The following NXPE3 variants were observed in gnomAD, a reference collection of about 807,000 sequenced individuals.
NXPE3 encodes NXPE family member 3.
A neutral mutation model predicts 46.1 loss-of-function variants in NXPE3; 26 were observed. That is an observed-to-expected ratio of 0.56 (90% CI 0.41 to 0.78). NXPE3 has a LOEUF of 0.78. Ranked by LOEUF, NXPE3 falls within the 30% of genes least tolerant of loss-of-function variation. NXPE3 has a pLI of 0.00. For synonymous variants in NXPE3, 272 were observed against 257.9 expected (o/e 1.05, Z -0.52); for missense variants, 620 against 686.0 (o/e 0.90, Z 1.07).
At chr3:101,781,632 ATAT>A (rs1445133047) in intron 1 of NXPE3, 1 of 152,210 alleles carries the variant, frequency 6.6e-6, no homozygotes, top group African/African-American at 2.4e-5. Flanking sequence ...TTCTTTGCAC[ATAT>A]TATAAAAATA....
At chr3:101,787,647 A>G (rs1940270935) in intron 4 of NXPE3, among the ~76,000 whole-genome samples, 1 of 152,186 alleles carries the variant, frequency 6.6e-6, no homozygotes, top group Admixed American at 6.5e-5. Flanking sequence ...CTGTTAGCAT[A>G]ACGTCCCCAA....
intron 4 of NXPE3, among the ~76,000 whole-genome samples, chr3:101,797,086 C>T (rs1940872755): frequency 6.6e-6 from 1 of 152,034 alleles, no homozygotes. Flanking sequence ...ATTCCTGTAT[C>T]CTGTTTACTA....
chr3:101,796,089 C>T (rs1480385611), intron 4 of NXPE3, among the ~76,000 whole-genome samples: 1 of 152,224 alleles, frequency 6.6e-6, no homozygotes. Context: ...GCAACCTCAC[C>T]TGGTTCTCAT....
intron 4 of NXPE3, among the ~76,000 whole-genome samples, chr3:101,792,625 GC>G (rs1940585714): frequency 6.6e-6 from 1 of 152,070 alleles, no homozygotes; most frequent in Non-Finnish European, 1.5e-5. Context: ...TGGTCTCTGT[GC>G]CTGTTTTTGT....
intron 7 of NXPE3, among the ~76,000 whole-genome samples, chr3:101,821,092 T>C (rs1416368037): frequency 6.6e-6 from 1 of 152,194 alleles, no homozygotes; most frequent in African/African-American, 2.4e-5. Context: ...CTTGGCCTAA[T>C]AATTAGAGAA....
chr3:101,788,197 G>A (rs1238726305), intron 4 of NXPE3, among the ~76,000 whole-genome samples: 1 of 152,046 alleles, frequency 6.6e-6, no homozygotes, highest in Non-Finnish European at 1.5e-5. Context: ...ATCCAATTCC[G>A]GTACTCACTG....
chr3:101,818,713 ATT>A (rs201504502), intron 7 of NXPE3, among the ~76,000 whole-genome samples: 11 of 30,374 alleles, frequency 3.6e-4, no homozygotes, highest in African/African-American at 1.1e-3. Flanking sequence ...ATATATGACA[ATT>A]TATATATATA....
chr3:101,819,984 T>C (rs1269057482), intron 7 of NXPE3, among the ~76,000 whole-genome samples: 1 of 151,320 alleles, frequency 6.6e-6, no homozygotes, highest in South Asian at 2.1e-4. Context: ...AAGGCAAATA[T>C]TGCATGAGGT....
chr3:101,827,138 A>G lies in NXPE3; in HGVS notation c.*5184A>G, dbSNP rs1318740907. 1 of 152,234 alleles carries G rather than the reference A, an allele frequency of 6.6e-6. No homozygotes were observed. Among genetic ancestry groups the G allele is most frequent in the African/African-American group, 2.4e-5 (1 of 41,462 alleles). The allele number at this position is 152,234 out of a possible 1,614,324, so 9.4% of individuals were successfully genotyped here. On this transcript the variant is annotated 3_prime_UTR_variant, in exon 8 of 8. Transcript: ENST00000273347. ...TAATATTCTGGTTAAATGAGAGGCC[A>G]TCGGGCCTCTTTTTAAGAGTCTAAT...
intron 4 of NXPE3, among the ~76,000 whole-genome samples, chr3:101,792,511 G>A (rs1305460744): frequency 6.6e-6 from 1 of 152,100 alleles, no homozygotes; most frequent in Non-Finnish European, 1.5e-5. Flanking sequence ...ACCGTTTATT[G>A]AATAGGGAGT....
At chr3:101,788,508 A>G (rs1334467428) in intron 4 of NXPE3, among the ~76,000 whole-genome samples, 1 of 152,212 alleles carries the variant, frequency 6.6e-6, no homozygotes, top group Non-Finnish European at 1.5e-5. Context: ...TTATAGTTTT[A>G]GCTCTTACGT....
chr3:101,798,515 GTA>G (rs1940957852), intron 4 of NXPE3, among the ~76,000 whole-genome samples: 1 of 143,466 alleles, frequency 7.0e-6, no homozygotes, highest in South Asian at 2.2e-4. Flanking sequence ...ACATATATAT[GTA>G]TGTGTATATA....
At chr3:101,795,552 G>A (rs970337158) in intron 4 of NXPE3, among the ~76,000 whole-genome samples, 3 of 151,766 alleles carry the variant, frequency 2.0e-5, no homozygotes, top group East Asian at 1.9e-4. Flanking sequence ...TTATGAGAAG[G>A]GGGTATTTGT....
intron 5 of NXPE3, among the ~76,000 whole-genome samples, chr3:101,803,745 GAGT>G (rs1190941981): frequency 2.0e-5 from 3 of 152,086 alleles, no homozygotes; most frequent in Admixed American, 2.0e-4. Context: ...TCAGCCTCCC[GAGT>G]AGTTCGGACT....
intron 2 of NXPE3, among the ~76,000 whole-genome samples, 161 bp from the exon 3 acceptor site, chr3:101,782,499 C>T (rs1366064536): frequency 6.6e-6 from 1 of 151,842 alleles, no homozygotes; most frequent in Admixed American, 6.6e-5. Context: ...TACCTCATGC[C>T]GTGAAATAGT....
intron 7 of NXPE3, among the ~76,000 whole-genome samples, chr3:101,817,567 C>G (rs531447396): frequency 6.6e-6 from 1 of 152,166 alleles, no homozygotes; most frequent in Non-Finnish European, 1.5e-5. Flanking sequence ...TAAGTTCCAG[C>G]ATTCTTAGCT....
chr3:101,788,095 A>T (rs1940298078), intron 4 of NXPE3, among the ~76,000 whole-genome samples: 2 of 152,108 alleles, frequency 1.3e-5, no homozygotes, highest in Admixed American at 1.3e-4. Context: ...TTCTTTGTGG[A>T]TGTGAGGTAA....
At chr3:101,817,330 C>T (rs1942017516) in intron 7 of NXPE3, among the ~76,000 whole-genome samples, 1 of 152,202 alleles carries the variant, frequency 6.6e-6, no homozygotes, top group African/African-American at 2.4e-5. Context: ...GTGTCTTTCC[C>T]TTCTAATATT....
At chr3:101,786,880 G>T (rs1940217703) in intron 4 of NXPE3, among the ~76,000 whole-genome samples, 2 of 152,088 alleles carry the variant, frequency 1.3e-5, no homozygotes, top group African/African-American at 4.8e-5. Context: ...CACCATCTAT[G>T]TCTAGAACTT....
Sources: allele counts gnomAD v4.1 joint callset (sites outside exome capture counted in the v4.1 genomes callset), GRCh38; gene constraint gnomAD v4.1.1; transcripts MANE v1.5; gene names NCBI Gene and HGNC (gene_info 2026-07-23, HGNC 2026-07-21).